Variants in BCLAF3 observed in about 807,000 individuals in gnomAD.
BCLAF3 encodes transient octamer binding factor 1.
BCLAF3 carries 24 observed loss-of-function variants against 51.2 expected under a neutral mutation model. That is an observed-to-expected ratio of 0.47 (90% CI 0.34 to 0.66). The LOEUF (loss-of-function observed/expected upper bound fraction) is 0.66, where lower values mean the gene tolerates loss of function less well. Ranked by LOEUF, BCLAF3 falls within the 30% of genes least tolerant of loss-of-function variation. The pLI is 0.01. For missense variants in BCLAF3, 465 were observed against 525.1 expected (o/e 0.89, Z 1.12); for synonymous variants, 152 against 176.6 (o/e 0.86, Z 1.10).
rs1293457780 is a variant in BCLAF3, at chrX:19,912,875, A to T, written c.*4430T>A. ...CTTACCACTGTTTTAAAAAAGAAAG[A>T]CTTTATTTTATAAAAATGATACAAC... is the stretch of plus-strand genomic sequence containing the variant. On this transcript the variant is annotated 3_prime_UTR_variant, in exon 12 of 12. Transcript: ENST00000379682. 1 of 110,708 alleles carries T rather than the reference A, an allele frequency of 9.0e-6. No homozygotes were observed. The highest frequency in any genetic ancestry group is 1.9e-5 in the Non-Finnish European group (1 of 52,991). The allele number at this position is 110,708 out of a possible 1,213,427, so 9.1% of individuals were successfully genotyped here.
chrX:19,947,369 AT>A (rs2071347047), intron 8 of BCLAF3, among the ~76,000 whole-genome samples: 1 of 112,363 alleles, frequency 8.9e-6, no homozygotes, highest in African/African-American at 3.2e-5. Context: ...AAAACAACTC[AT>A]TTACATTGTA....
intron 1 of BCLAF3, among the ~76,000 whole-genome samples, chrX:19,989,802 G>A (rs756731268): frequency 1.4e-4 from 15 of 111,111 alleles, no homozygotes; most frequent in African/African-American, 4.2e-4. Context: ...TTCTATCTTA[G>A]AAATGTGTAT....
intron 8 of BCLAF3, among the ~76,000 whole-genome samples, chrX:19,938,641 T>G (rs2070874757): frequency 8.9e-6 from 1 of 112,446 alleles, no homozygotes; most frequent in African/African-American, 3.2e-5. Flanking sequence ...AAGTAATCCA[T>G]CCACCTTGGC....
rs1009245863 is a variant in BCLAF3 at position 19,915,536 on chromosome X, C to T, written c.*1769G>A. Reference sequence around the variant, plus strand: ...AGTTGTGGAATGAATAATAGTAAATCAGCCATCTTACCTTTATGTGTTACA... The same window carrying T: ...AGTTGTGGAATGAATAATAGTAAATTAGCCATCTTACCTTTATGTGTTACA... On this transcript the variant is annotated 3_prime_UTR_variant, in exon 12 of 12. Coordinates refer to ENST00000379682, the MANE Select transcript of BCLAF3 (RefSeq NM_001367774.2). 1.8e-5 allele frequency: 2 copies of T among 111,900 alleles called. No individual in the cohort carries two copies. The highest frequency in any genetic ancestry group is 9.5e-5 in the Admixed American group (1 of 10,514). 9.2% of individuals were successfully genotyped at this position (111,900 alleles called of 1,213,427 possible). A position where few individuals can be genotyped will look rare whatever the true frequency, so the allele number is the denominator to read the frequency against.
At chrX:19,938,727 A>G (rs752882712) in intron 8 of BCLAF3, among the ~76,000 whole-genome samples, 1 of 112,592 alleles carries the variant, frequency 8.9e-6, no homozygotes, top group Non-Finnish European at 1.9e-5. Context: ...GGTTCCTGGC[A>G]CAAAGCAATC....
chrX:19,951,930 C>T (rs2071497677), intron 7 of BCLAF3, among the ~76,000 whole-genome samples: 1 of 111,214 alleles, frequency 9.0e-6, no homozygotes, highest in South Asian at 3.7e-4. Context: ...TGTCTCAAAA[C>T]AAAACTTAAA....
rs1273564277 is a variant in BCLAF3 at position 19,965,228 on chromosome X, A to T, written c.1090T>A (p.Ser364Thr). Residue 364 changes from serine (S) to threonine (T), a missense_variant, in exon 4 of 12, where the codon TCT becomes ACT. Ser to Thr is a moderately conservative substitution (Grantham distance 58). Coordinates refer to ENST00000379682, the MANE Select transcript of BCLAF3 (RefSeq NM_001367774.2). ...YSNKNDVDLR[S>T]SNDKWKEKIK... ...TTTTCCTTCCATTTGTCATTACTAG[A>T]TCGCAAATCAACATCATTTTTATTT... 8.3e-7 allele frequency: 1 copy of T among 1,207,627 alleles called. No homozygotes were observed. Among genetic ancestry groups the T allele is most frequent in the Admixed American group, 2.2e-5 (1 of 45,260 alleles).
At chrX:19,990,562 C>G (rs2072908264) in intron 1 of BCLAF3, among the ~76,000 whole-genome samples, 1 of 113,534 alleles carries the variant, frequency 8.8e-6, no homozygotes, top group African/African-American at 3.2e-5. Context: ...CCGGCCCCCG[C>G]CCTCTTAACA....
intron 4 of BCLAF3, among the ~76,000 whole-genome samples, chrX:19,963,591 C>T (rs2071939155): frequency 9.0e-6 from 1 of 111,257 alleles, no homozygotes; most frequent in Non-Finnish European, 1.9e-5. Context: ...CTTGAACTTT[C>T]TGTAATATAA....
chrX:19,917,111 T>A lies in BCLAF3; in HGVS notation c.*194A>T, dbSNP rs773557003. On this transcript the variant is annotated 3_prime_UTR_variant, in exon 12 of 12. Coordinates refer to ENST00000379682, the MANE Select transcript of BCLAF3 (RefSeq NM_001367774.2). ...AGGAAACTGTAGTTAATACAACTTT[T>A]AAATTGAATACTGTAATTTAAAAGC... 8.8e-6 allele frequency: 4 copies of A among 452,503 alleles called. No homozygotes were observed. 37.3% of individuals were successfully genotyped at this position (452,503 alleles called of 1,213,427 possible). A position where few individuals can be genotyped will look rare whatever the true frequency, so the allele number is the denominator to read the frequency against.
intron 11 of BCLAF3, among the ~76,000 whole-genome samples, chrX:19,919,438 T>C (rs1355440648): frequency 8.9e-6 from 1 of 111,908 alleles, no homozygotes; most frequent in Non-Finnish European, 1.9e-5. Context: ...TCCCAGCTAC[T>C]TGGGAGGCTG....
chrX:19,976,802 C>A (rs1042625985), intron 1 of BCLAF3, among the ~76,000 whole-genome samples: 2 of 112,045 alleles, frequency 1.8e-5, no homozygotes, highest in Admixed American at 9.5e-5. Flanking sequence ...TGCCTTACTG[C>A]GCTTCACAGA....
chrX:19,964,820 G>A (rs1443508623), intron 4 of BCLAF3, among the ~76,000 whole-genome samples: 1 of 111,057 alleles, frequency 9.0e-6, no homozygotes, highest in Non-Finnish European at 1.9e-5. Flanking sequence ...CATCCAAGAA[G>A]CATCTGGAGA....
chrX:19,940,726 A>C (rs1238913360), intron 8 of BCLAF3, among the ~76,000 whole-genome samples: 2 of 108,774 alleles, frequency 1.8e-5, no homozygotes, highest in Non-Finnish European at 3.8e-5. Context: ...TGCCGCAATA[A>C]ACATACGTGT....
chrX:19,962,322 T>C (rs887594951), intron 4 of BCLAF3, among the ~76,000 whole-genome samples: 16 of 110,996 alleles, frequency 1.4e-4, no homozygotes, highest in East Asian at 5.6e-4. Flanking sequence ...GCTGGGACTA[T>C]AGGCACATGT....
At chrX:19,920,383 G>A (rs1045544527) in intron 11 of BCLAF3, among the ~76,000 whole-genome samples, 4 of 111,480 alleles carry the variant, frequency 3.6e-5, no homozygotes, top group Non-Finnish European at 7.5e-5. Context: ...ATGGTCTTAG[G>A]GACCCCTGAC....
chrX:19,936,103 A>G (rs963709532), intron 9 of BCLAF3, among the ~76,000 whole-genome samples: 3 of 111,905 alleles, frequency 2.7e-5, no homozygotes, highest in African/African-American at 9.7e-5. Flanking sequence ...GATCCATGCT[A>G]GTTTGTGAGG....
Position 19,940,260 on chromosome X carries a change from TTTTA to T in BCLAF3, c.1746-2732_1746-2729del, listed in dbSNP as rs1418960862. On this transcript the variant is annotated intron_variant, in intron 8 of 11. Coordinates refer to ENST00000379682, the MANE Select transcript of BCLAF3 (RefSeq NM_001367774.2). ...GTGTAAATTTCAAGAAGTCTTTATTTTTTATTTATTTATTTATTTTTTTTTTTTT... is the reference window on the plus strand; with the variant it reads ...GTGTAAATTTCAAGAAGTCTTTATTTTTTATTTATTTATTTTTTTTTTTTT... 4.1e-3 allele frequency among the ~76,000 whole-genome samples: 374 copies of T among 91,683 alleles called. 1 individual carries two copies. Among genetic ancestry groups the T allele is most frequent in the African/African-American group, 0.019 (345 of 18,623 alleles). The allele number at this position is 91,683 out of a possible 115,157, so 79.6% of individuals were successfully genotyped here.
chrX:19,943,913 C>T (rs1206509382), intron 8 of BCLAF3, among the ~76,000 whole-genome samples: 1 of 59,400 alleles, frequency 1.7e-5, no homozygotes, highest in African/African-American at 6.8e-5. Context: ...GAGTCTAAGT[C>T]TCTTTGTAGG....
Sources: gnomAD v4.1 joint callset for allele counts (sites outside exome capture counted in the v4.1 genomes callset) on GRCh38, gnomAD v4.1.1 for gene constraint, MANE v1.5 for transcripts, NCBI Gene and HGNC (gene_info 2026-07-23, HGNC 2026-07-21) for gene names.